The following ABCA13 variants were observed in gnomAD, a reference collection of about 807,000 sequenced individuals.
ABCA13 encodes the protein ATP binding cassette subfamily A member 13.
Under a neutral mutation model 478.7 loss-of-function variants are expected in ABCA13, and 476 were observed. The observed-to-expected ratio is 0.99, with a 90% CI of 0.92 to 1.07. The LOEUF is 1.07. Among genes scored for constraint, ABCA13 ranks in the 50% least tolerant of loss-of-function variants. The pLI is 0.00. For synonymous variants in ABCA13, 2,252 were observed against 2,158.9 expected, an observed-to-expected ratio of 1.04 and a Z score of -1.20; for missense variants, 6,060 against 5,910.6, an observed-to-expected ratio of 1.03 and a Z score of -0.83.
chr7:48,200,259 C>T (rs1218350210), intron 3 of ABCA13, among the ~76,000 whole-genome samples: 8 of 151,758 alleles, frequency 5.3e-5, no homozygotes, highest in East Asian at 3.9e-4. Context: ...CCCAGCTATT[C>T]GGGAGGCCGA....
chr7:48,281,221 T>C (rs957290864), intron 18 of ABCA13, 122 bp from the exon 19 acceptor site: 1 of 764,864 alleles, frequency 1.3e-6, no homozygotes, highest in African/African-American at 1.7e-5. Flanking sequence ...GAAGAAAATA[T>C]GATTATGCAG....
chr7:48,548,016 C>A (rs189039895), intron 55 of ABCA13, among the ~76,000 whole-genome samples: 56 of 151,998 alleles, frequency 3.7e-4, no homozygotes, highest in Non-Finnish European at 6.6e-4. Context: ...TGTGGTGTGG[C>A]TTCTGTCATC....
At chr7:48,594,959 A>G (rs547715706) in intron 58 of ABCA13, 146 bp downstream of exon 58, 3 of 705,732 alleles carry the variant, frequency 4.3e-6, no homozygotes, top group South Asian at 2.2e-5. Flanking sequence ...GTTAGCCCTC[A>G]TTGTATAAAT....
At chr7:48,621,460 G>A (rs910531358) in intron 59 of ABCA13, among the ~76,000 whole-genome samples, 1 of 152,208 alleles carries the variant, frequency 6.6e-6, no homozygotes, top group East Asian at 1.9e-4. Context: ...GTCCAGTCCT[G>A]GAGGTCTTGG....
In ABCA13 at chr7:48,645,459, T is replaced by A; in HGVS notation, c.15124T>A (p.Ser5042Thr). Residue 5042 changes from serine (S) to threonine (T), a missense_variant, in exon 62 of 62, where the codon TCT becomes ACT. Physicochemically the swap from Ser to Thr is moderately conservative, Grantham distance 58. Around this residue, in one of 3 missense-constraint regions of ABCA13, gnomAD observed 1,627 missense variants for 1,571.0 expected, o/e 1.04. Coordinates refer to ENST00000435803, the MANE Select transcript of ABCA13 (RefSeq NM_152701.5). ...FASEQQQTLQSTLDPSTDSHH... is the reference protein window; with the variant it reads ...FASEQQQTLQTTLDPSTDSHH... ...TTCTGAGCAGCAGCAAACTCTACAATCTACTCTTGATCCATCCACTGACAG... is the reference window on the plus strand; with the variant it reads ...TTCTGAGCAGCAGCAAACTCTACAAACTACTCTTGATCCATCCACTGACAG... 1 of 1,588,150 alleles carries A rather than the reference T, an allele frequency of 6.3e-7. No individual in the cohort carries two copies. Among genetic ancestry groups the A allele is most frequent in the Non-Finnish European group, 8.6e-7 (1 of 1,165,996 alleles).
intron 27 of ABCA13, among the ~76,000 whole-genome samples, chr7:48,321,903 C>T (rs1283435401): frequency 1.3e-5 from 2 of 152,160 alleles, no homozygotes; most frequent in Non-Finnish European, 2.9e-5. Flanking sequence ...AGTCCTGGGC[C>T]CTCCACCCCT....
At chr7:48,265,599 T>C (rs996313218) in intron 15 of ABCA13, among the ~76,000 whole-genome samples, 98 of 151,660 alleles carry the variant, frequency 6.5e-4, no homozygotes, top group African/African-American at 2.1e-3. Context: ...CAAATATATA[T>C]AAATATACAT....
chr7:48,618,647 G>T (rs550871022), intron 59 of ABCA13, among the ~76,000 whole-genome samples: 1 of 152,270 alleles, frequency 6.6e-6, no homozygotes, highest in South Asian at 2.1e-4. Context: ...GAAGGAAGGG[G>T]TGAAATAGGG....
chr7:48,218,047 C>G (rs1433516584), intron 3 of ABCA13, among the ~76,000 whole-genome samples: 1 of 152,124 alleles, frequency 6.6e-6, no homozygotes, highest in Admixed American at 6.5e-5. Context: ...TCAGGATTTT[C>G]TATGTATTTT....
At position 48,297,221 on chromosome 7, in the gene ABCA13, T is replaced by G; in HGVS notation, c.9120-11T>G. 1 of 1,593,438 alleles carries G rather than the reference T, an allele frequency of 6.3e-7. No individual in the cohort carries two copies. The highest frequency in any genetic ancestry group is 8.6e-7 in the Non-Finnish European group (1 of 1,169,000). ...CTTGCCTAATTTAGCTTTAATTTTC[T>G]GCCATTTTAGGTTGGCCAAAAGCCT... On this transcript the variant is annotated splice_polypyrimidine_tract_variant and intron_variant, in intron 21 of 61. Coordinates refer to ENST00000435803, the MANE Select transcript of ABCA13 (RefSeq NM_152701.5).
intron 5 of ABCA13, among the ~76,000 whole-genome samples, chr7:48,223,508 A>G (rs2128972836): frequency 6.6e-6 from 1 of 152,192 alleles, no homozygotes; most frequent in South Asian, 2.1e-4. Context: ...GGAGATGGGG[A>G]TGATCCATTG....
chr7:48,599,712 C>T (rs1790681968), intron 58 of ABCA13, among the ~76,000 whole-genome samples: 1 of 152,120 alleles, frequency 6.6e-6, no homozygotes, highest in African/African-American at 2.4e-5. Context: ...AAAGCTTCCA[C>T]CAGTATTAGG....
intron 59 of ABCA13, among the ~76,000 whole-genome samples, chr7:48,627,912 T>C (rs191663179): frequency 5.6e-4 from 85 of 152,278 alleles, no homozygotes; most frequent in African/African-American, 2.0e-3. Flanking sequence ...CCCTGAGAAC[T>C]AACCCAGTCT....
chr7:48,477,714 G>A lies in ABCA13; in HGVS notation c.12976-3322G>A, dbSNP rs1412918467. 3.0e-5 allele frequency among the ~76,000 whole-genome samples: 4 copies of A among 134,480 alleles called. No individual in the cohort carries two copies. The East Asian group carries it at 7.0e-4, about 23-fold the overall frequency. 88.2% of individuals were successfully genotyped at this position (134,480 alleles called of 152,430 possible). On this transcript the variant is annotated intron_variant, in intron 45 of 61. Transcript: ENST00000435803. ...ATGAGAACACATGGACACAGGAAGG[G>A]GAACATCACACTCCGGGGACTGTTG... is the stretch of plus-strand genomic sequence containing the variant.
At chr7:48,198,766 C>T (rs981013806) in intron 3 of ABCA13, among the ~76,000 whole-genome samples, 9 of 152,150 alleles carry the variant, frequency 5.9e-5, no homozygotes, top group African/African-American at 1.7e-4. Flanking sequence ...AGAATCTTGT[C>T]GCCAGCTGAG....
intron 29 of ABCA13, among the ~76,000 whole-genome samples, chr7:48,344,237 G>C (rs1478283823): frequency 6.6e-6 from 1 of 152,196 alleles, no homozygotes; most frequent in Non-Finnish European, 1.5e-5. Context: ...AACAGGTAGA[G>C]GCTAGGGGTA....
intron 19 of ABCA13, among the ~76,000 whole-genome samples, chr7:48,284,066 A>G (rs180753986): frequency 3.9e-5 from 6 of 152,320 alleles, no homozygotes; most frequent in Admixed American, 3.9e-4. Flanking sequence ...ATCTCCCTGC[A>G]TGCCATTGGG....
intron 51 of ABCA13, among the ~76,000 whole-genome samples, chr7:48,515,537 G>T (rs1459649646): frequency 6.6e-6 from 1 of 152,128 alleles, no homozygotes; most frequent in Non-Finnish European, 1.5e-5. Flanking sequence ...GTTTAGCAAT[G>T]CTTCTTACTC....
chr7:48,283,308 G>A (rs1252255714), intron 19 of ABCA13, among the ~76,000 whole-genome samples: 11 of 152,100 alleles, frequency 7.2e-5, no homozygotes. Context: ...GGCAGAACCA[G>A]CATGTCAAAT....
Sources: gnomAD v4.1 joint callset for allele counts (sites outside exome capture counted in the v4.1 genomes callset) on GRCh38, gnomAD v4.1.1 for gene constraint, gnomAD v4.1.1 regional missense constraint, MANE v1.5 for transcripts, NCBI Gene and HGNC (gene_info 2026-07-23, HGNC 2026-07-21) for gene names.